Variants in HOOK3 observed in about 807,000 individuals in gnomAD.
HOOK3 encodes protein Hook homolog 3.
HOOK3 carries 24 observed loss-of-function variants against 116.3 expected under a neutral mutation model. The observed-to-expected ratio is 0.21, with a 90% CI of 0.15 to 0.29. The LOEUF is 0.29. HOOK3 is among the 10% of genes least tolerant of loss of function. HOOK3 has a pLI of 1.00. For synonymous variants in HOOK3, 275 were observed against 283.0 expected (o/e 0.97, Z 0.28); for missense variants, 632 against 830.2 (o/e 0.76, Z 2.93).
chr8:42,903,703 A>T (rs1440919718), intron 1 of HOOK3, among the ~76,000 whole-genome samples: 1 of 143,886 alleles, frequency 6.9e-6, no homozygotes, highest in Non-Finnish European at 1.5e-5. Flanking sequence ...AACGCCTGTA[A>T]TCCCAGCACT....
At position 42,950,341 on chromosome 8, in the gene HOOK3, C is replaced by G. The variant is rs747224660; in HGVS notation, c.401-47C>G. On this transcript the variant is annotated intron_variant, in intron 5 of 21. Transcript: ENST00000307602. ...GAAGTATGAGCCTTGATTCCCTTGACCATCTTTAACTTGAACAGTGACATT... is the reference window on the plus strand; with the variant it reads ...GAAGTATGAGCCTTGATTCCCTTGAGCATCTTTAACTTGAACAGTGACATT... 5 of 1,242,152 alleles carry G rather than the reference C, an allele frequency of 4.0e-6. No individual in the cohort carries two copies. The East Asian group carries it at 9.3e-5, about 23-fold the overall frequency. The allele number at this position is 1,242,152 out of a possible 1,614,324, so 76.9% of individuals were successfully genotyped here. A position where few individuals can be genotyped will look rare whatever the true frequency, so the allele number is the denominator to read the frequency against.
At chr8:42,955,485 T>G (rs1380437259) in intron 6 of HOOK3, among the ~76,000 whole-genome samples, 1 of 152,112 alleles carries the variant, frequency 6.6e-6, no homozygotes, top group Non-Finnish European at 1.5e-5. Context: ...GAGTAGAGAA[T>G]ATTGACAAAA....
chr8:42,907,287 C>T (rs770889573), intron 2 of HOOK3, among the ~76,000 whole-genome samples: 12 of 152,142 alleles, frequency 7.9e-5, no homozygotes, highest in South Asian at 2.1e-4. Context: ...ATAGAGTTGC[C>T]ATAGAGCTCA....
intron 2 of HOOK3, among the ~76,000 whole-genome samples, chr8:42,916,310 G>A (rs1330475956): frequency 1.3e-5 from 2 of 152,120 alleles, no homozygotes; most frequent in Middle Eastern, 3.4e-3. Context: ...TCTTTTTTTG[G>A]CTTTTTGTTT....
chr8:42,980,855 G>T (rs188158829), intron 13 of HOOK3, among the ~76,000 whole-genome samples: 170 of 151,932 alleles, frequency 1.1e-3, no homozygotes, highest in Non-Finnish European at 1.9e-3. Flanking sequence ...CTGCACTCCA[G>T]CCTGGGTGAC....
At chr8:42,945,683 GT>G (rs1235087826) in intron 5 of HOOK3, among the ~76,000 whole-genome samples, 1 of 152,098 alleles carries the variant, frequency 6.6e-6, no homozygotes, top group African/African-American at 2.4e-5. Context: ...GGTAGCCGCA[GT>G]TTTTTAAATG....
At chr8:42,991,544 A>G (rs1181271858) in intron 15 of HOOK3, among the ~76,000 whole-genome samples, 1 of 152,074 alleles carries the variant, frequency 6.6e-6, no homozygotes, top group Non-Finnish European at 1.5e-5. Flanking sequence ...CTGGGACTAC[A>G]GGCATGAGCC....
intron 18 of HOOK3, among the ~76,000 whole-genome samples, chr8:43,008,850 G>A (rs957637433): frequency 2.7e-5 from 4 of 149,936 alleles, no homozygotes; most frequent in East Asian, 2.0e-4. Context: ...TAGTAGAGAC[G>A]GGGTTTCACC....
intron 5 of HOOK3, among the ~76,000 whole-genome samples, chr8:42,947,351 CCTT>C (rs1586604796): frequency 6.6e-6 from 1 of 152,192 alleles, no homozygotes; most frequent in East Asian, 1.9e-4. Flanking sequence ...CTGGAATTCT[CCTT>C]AATATGTAGG....
At chr8:42,900,482 ATTAC>A (rs1052096434) in intron 1 of HOOK3, among the ~76,000 whole-genome samples, 4 of 152,174 alleles carry the variant, frequency 2.6e-5, no homozygotes, top group African/African-American at 9.7e-5. Flanking sequence ...TTGTTTTCAT[ATTAC>A]TTATTTGGCA....
At chr8:42,897,840 T>C (rs1476453046) in intron 1 of HOOK3, among the ~76,000 whole-genome samples, 1 of 152,226 alleles carries the variant, frequency 6.6e-6, no homozygotes, top group East Asian at 1.9e-4. Flanking sequence ...ACCTCTCACG[T>C]CAGCTGCCGC....
At chr8:42,966,947 C>T (rs945502257) in intron 10 of HOOK3, among the ~76,000 whole-genome samples, 2 of 152,074 alleles carry the variant, frequency 1.3e-5, no homozygotes, top group African/African-American at 4.8e-5. Context: ...CCGCCACGCC[C>T]GCAAGGCCTC....
chr8:43,007,536 T>C (rs998949704), intron 17 of HOOK3, among the ~76,000 whole-genome samples: 3 of 152,226 alleles, frequency 2.0e-5, no homozygotes, highest in African/African-American at 7.2e-5. Flanking sequence ...AACTTCATTT[T>C]TTTGCAACAA....
At chr8:42,903,338 C>CTTTTTTTTTTTTTTTTTTTTTTTT (rs1164136399) in intron 1 of HOOK3, among the ~76,000 whole-genome samples, 2 of 87,588 alleles carry the variant, frequency 2.3e-5, no homozygotes, top group African/African-American at 9.5e-5. Flanking sequence ...TAATAGTTGT[C>CTTTTTTTTTTTTTTTTTTTTTTTT]TTTTTTTTTT....
At chr8:42,973,191 G>A (rs1034234313) in intron 11 of HOOK3, 98 bp from the exon 12 acceptor site, 2 of 1,318,454 alleles carry the variant, frequency 1.5e-6, no homozygotes, top group Admixed American at 5.4e-5. Context: ...TTGAGTACTG[G>A]TGGGAGAGAT....
At chr8:43,006,929 C>CAT (rs1218771825) in intron 17 of HOOK3, among the ~76,000 whole-genome samples, 1 of 150,272 alleles carries the variant, frequency 6.7e-6, no homozygotes, top group Non-Finnish European at 1.5e-5. Context: ...TATCAAATAC[C>CAT]AGGGGAAAAT....
Position 42,992,951 on chromosome 8 carries a change from G to A in HOOK3, c.1533-4599G>A, listed in dbSNP as rs183045392. ...GTATGATACTAGCTATGGGTCTCTC[G>A]TATGTAACTTTTATTATGTTGAGGT... On this transcript the variant is annotated intron_variant, in intron 15 of 21. Transcript: ENST00000307602. Among the ~76,000 whole-genome samples, 62 of 152,060 alleles carry A rather than the reference G, an allele frequency of 4.1e-4. No homozygotes were observed. In the South Asian group the frequency reaches 8.7e-3, roughly 21 times the overall value.
chr8:42,939,273 C>T (rs949609862), intron 4 of HOOK3, among the ~76,000 whole-genome samples: 6 of 152,152 alleles, frequency 3.9e-5, no homozygotes, highest in Non-Finnish European at 5.9e-5. Context: ...AGAGGGGCTC[C>T]TCACTTCCCA....
At chr8:42,905,615 A>G (rs964359513) in intron 1 of HOOK3, among the ~76,000 whole-genome samples, 1 of 152,044 alleles carries the variant, frequency 6.6e-6, no homozygotes, top group Admixed American at 6.5e-5. Flanking sequence ...GTGTGAGTAG[A>G]ATGGATGCTG....
Sources: allele counts gnomAD v4.1 joint callset (sites outside exome capture counted in the v4.1 genomes callset), GRCh38; gene constraint gnomAD v4.1.1; transcripts MANE v1.5; gene names NCBI Gene and HGNC (gene_info 2026-07-23, HGNC 2026-07-21).